Variants in UXS1 observed in about 807,000 individuals in gnomAD.
The protein encoded by UXS1 is UDP-glucuronate decarboxylase 1, also known as UDP-glucuronic acid decarboxylase 1.
A neutral mutation model predicts 62.6 loss-of-function variants in UXS1; 33 were observed. That is an observed-to-expected ratio of 0.53 (90% CI 0.40 to 0.70). UXS1 has a LOEUF of 0.70. Ranked by LOEUF, UXS1 falls within the 30% of genes least tolerant of loss-of-function variation. UXS1 has a pLI of 0.00. For missense variants in UXS1, 434 were observed against 556.3 expected, an observed-to-expected ratio of 0.78 and a Z score of 2.21; for synonymous variants, 213 against 206.8, an observed-to-expected ratio of 1.03 and a Z score of -0.26.
intron 11 of UXS1, chr2:106,101,912 A>C (rs977149604): frequency 1.3e-5 from 2 of 152,296 alleles, no homozygotes; most frequent in Admixed American, 6.5e-5. Context: ...TTCTACGCCA[A>C]TTTTCCATGA....
intron 1 of UXS1, among the ~76,000 whole-genome samples, chr2:106,171,824 A>T (rs1683579326): frequency 6.6e-6 from 1 of 152,238 alleles, no homozygotes; most frequent in Admixed American, 6.5e-5. Context: ...ATGTACTTTT[A>T]CACTAAGTCA....
intron 10 of UXS1, among the ~76,000 whole-genome samples, chr2:106,105,847 C>T (rs375358164): frequency 2.6e-5 from 4 of 152,168 alleles, no homozygotes; most frequent in South Asian, 2.1e-4. Flanking sequence ...TGTGTACCTC[C>T]CTGTGGTGGA....
At chr2:106,160,895 A>T (rs1057177014) in intron 4 of UXS1, among the ~76,000 whole-genome samples, 1 of 152,228 alleles carries the variant, frequency 6.6e-6, no homozygotes, top group African/African-American at 2.4e-5. Flanking sequence ...TTTAGATTTC[A>T]TATGTATACG....
At chr2:106,166,320 A>G (rs1683208183) in intron 1 of UXS1, 1 of 442,850 alleles carries the variant, frequency 2.3e-6, no homozygotes, top group Non-Finnish European at 4.0e-6. Context: ...AGGAACATCA[A>G]TTCAAGTTGC....
chr2:106,142,239 T>C (rs1399742352), intron 6 of UXS1, among the ~76,000 whole-genome samples: 1 of 152,228 alleles, frequency 6.6e-6, no homozygotes, highest in Non-Finnish European at 1.5e-5. Context: ...TACCTTTCTA[T>C]ATTTTCTTTA....
At chr2:106,192,260 T>TA (rs1558766941) in intron 1 of UXS1, among the ~76,000 whole-genome samples, 2 of 152,192 alleles carry the variant, frequency 1.3e-5, no homozygotes, top group South Asian at 4.1e-4. Flanking sequence ...AATGATTGGT[T>TA]AAAAAACTTT....
At chr2:106,102,868 T>C (rs566144997) in intron 11 of UXS1, 2 of 152,352 alleles carry the variant, frequency 1.3e-5, no homozygotes, top group South Asian at 4.1e-4. Flanking sequence ...TATGGCAAAG[T>C]CCCTGAAGCC....
At chr2:106,107,424 G>A (rs1488716131) in intron 10 of UXS1, among the ~76,000 whole-genome samples, 1 of 152,200 alleles carries the variant, frequency 6.6e-6, no homozygotes, top group Non-Finnish European at 1.5e-5. Context: ...CCATGGAAGA[G>A]CACAGTGGCA....
intron 6 of UXS1, among the ~76,000 whole-genome samples, chr2:106,143,436 AAAG>A: frequency 7.3e-5 from 9 of 122,964 alleles, no homozygotes; most frequent in Non-Finnish European, 9.3e-5. Flanking sequence ...AAAAAAAAAA[AAAG>A]GTATAATTTG....
At chr2:106,172,843 G>A (rs969936151) in intron 1 of UXS1, among the ~76,000 whole-genome samples, 13 of 152,274 alleles carry the variant, frequency 8.5e-5, no homozygotes, top group South Asian at 4.1e-4. Context: ...CATCTGCCTC[G>A]TCATTCCTCA....
At chr2:106,094,234 G>GCAGGAAGGAAGTGCCACCTTA in intron 14 of UXS1, 77 bp from the exon 15 acceptor site, 2 of 1,600,274 alleles carry the variant, frequency 1.2e-6, no homozygotes, top group Non-Finnish European at 1.7e-6. Flanking sequence ...GTGCCACCTT[G>GCAGGAAGGAAGTGCCACCTTA]CAGGAAGGAA....
At chr2:106,123,180 C>G in intron 8 of UXS1, 89 bp from the exon 9 acceptor site, 2 of 1,561,516 alleles carry the variant, frequency 1.3e-6, no homozygotes, top group Non-Finnish European at 1.7e-6. Flanking sequence ...AAGGGAACTT[C>G]GGAAAGACCC....
chr2:106,175,291 T>C (rs1329174988), intron 1 of UXS1, among the ~76,000 whole-genome samples: 7 of 152,246 alleles, frequency 4.6e-5, no homozygotes, highest in Non-Finnish European at 1.0e-4. Flanking sequence ...GCTGGACTGT[T>C]TGCTGTTCCT....
intron 5 of UXS1, among the ~76,000 whole-genome samples, chr2:106,151,651 T>A (rs931046540): frequency 6.6e-6 from 1 of 152,194 alleles, no homozygotes; most frequent in Admixed American, 6.5e-5. Flanking sequence ...AAAAGTAGAC[T>A]ATCAGATTTG....
chr2:106,109,807 G>A (rs1053730139), intron 10 of UXS1, among the ~76,000 whole-genome samples: 2 of 152,200 alleles, frequency 1.3e-5, no homozygotes, highest in African/African-American at 4.8e-5. Flanking sequence ...CAAAAACACG[G>A]CTGCAAGGTA....
At chr2:106,119,625 C>G (rs1203662458) in intron 9 of UXS1, among the ~76,000 whole-genome samples, 1 of 152,134 alleles carries the variant, frequency 6.6e-6, no homozygotes, top group Non-Finnish European at 1.5e-5. Flanking sequence ...TCCTGCAGGC[C>G]GCTGTGCTCA....
intron 1 of UXS1, among the ~76,000 whole-genome samples, 166 bp downstream of exon 1, chr2:106,193,982 C>T (rs1014662675): frequency 2.6e-5 from 4 of 151,906 alleles, no homozygotes; most frequent in Non-Finnish European, 4.4e-5. Context: ...GCCCGCTTTG[C>T]TGCAAGAGTG....
rs570724031 is a variant in UXS1, at chr2:106,155,128, T to C, written c.291+2930A>G. 3.3e-5 allele frequency among the ~76,000 whole-genome samples: 5 copies of C among 152,282 alleles called. No homozygotes were observed. The East Asian group carries it at 5.8e-4, about 18-fold the overall frequency. On this transcript the variant is annotated intron_variant, in intron 5 of 14. Transcript: ENST00000283148. ...GCCATTCATGATGGATCTGTCCCCA[T>C]GACCCAAATAATTCCCACTAGGCCC...
At chr2:106,122,762 G>A (rs1468750055) in intron 9 of UXS1, among the ~76,000 whole-genome samples, 1 of 152,150 alleles carries the variant, frequency 6.6e-6, no homozygotes, top group South Asian at 2.1e-4. Context: ...CCCAAGAATT[G>A]ATCTCTAGGA....
Sources: allele counts gnomAD v4.1 joint callset (sites outside exome capture counted in the v4.1 genomes callset), GRCh38; gene constraint gnomAD v4.1.1; transcripts MANE v1.5; gene names NCBI Gene and HGNC (gene_info 2026-07-23, HGNC 2026-07-21).